MAP2: variants seen among roughly 807,000 people sequenced by gnomAD.
The protein encoded by MAP2 is microtubule-associated protein 2.
In MAP2, 14 loss-of-function variants were observed where a neutral mutation model predicts 137.6. The observed-to-expected ratio is 0.10, with a 90% CI of 0.07 to 0.16. The LOEUF is 0.16. MAP2 is among the 10% of genes least tolerant of loss of function. MAP2 has a pLI of 1.00. For synonymous variants in MAP2, 786 were observed against 782.3 expected (o/e 1.00, Z -0.08); for missense variants, 2,088 against 2,191.5 (o/e 0.95, Z 0.94).
In MAP2 at chr2:209,592,358, T is replaced by G. The variant is rs184693245; in HGVS notation, c.-107+12258T>G. ...TGTATTTGGCCCACAAGTCATGACT[T>G]ACTTACCCTCATTTTAGGCTATATT... On this transcript the variant is annotated intron_variant, in intron 3 of 15. Coordinates refer to ENST00000682079, the MANE Select transcript of MAP2 (RefSeq NM_001375505.1). Among the ~76,000 whole-genome samples the G allele has an allele frequency of 2.1e-3, 317 of 152,298 alleles. 1 individual carries two copies. The highest frequency in any genetic ancestry group is 5.5e-3 in the African/African-American group (229 of 41,564).
intron 2 of MAP2, among the ~76,000 whole-genome samples, chr2:209,523,781 T>C (rs867768869): frequency 6.6e-6 from 1 of 152,174 alleles, no homozygotes; most frequent in African/African-American, 2.4e-5. Context: ...TCCAAATTTG[T>C]CTTTTATATA....
chr2:209,454,652 T>A (rs894631563), intron 1 of MAP2, among the ~76,000 whole-genome samples: 2 of 152,180 alleles, frequency 1.3e-5, no homozygotes, highest in African/African-American at 4.8e-5. Context: ...ACTGAATATC[T>A]TAGTAAATTC....
intron 3 of MAP2, among the ~76,000 whole-genome samples, chr2:209,587,391 C>G (rs1448634947): frequency 6.6e-6 from 1 of 151,956 alleles, no homozygotes; most frequent in East Asian, 1.9e-4. Flanking sequence ...CCGTTGAAAT[C>G]ATCTCTTTGT....
chr2:209,484,464 G>A (rs549807758), intron 1 of MAP2, among the ~76,000 whole-genome samples: 4 of 152,288 alleles, frequency 2.6e-5, no homozygotes, highest in African/African-American at 9.6e-5. Context: ...GGCCGAGGTG[G>A]GTCAATCACC....
At chr2:209,659,685 C>T (rs548157081) in intron 5 of MAP2, among the ~76,000 whole-genome samples, 2 of 151,884 alleles carry the variant, frequency 1.3e-5, no homozygotes, top group South Asian at 4.2e-4. Context: ...TAAAATCAGG[C>T]TTTAGTGATT....
intron 1 of MAP2, among the ~76,000 whole-genome samples, chr2:209,447,699 G>T (rs1295182310): frequency 6.6e-6 from 1 of 152,006 alleles, no homozygotes; most frequent in Non-Finnish European, 1.5e-5. Flanking sequence ...CATTATTCAA[G>T]CCAGTGTCAG....
At chr2:209,658,946 C>T (rs1264537087) in intron 5 of MAP2, among the ~76,000 whole-genome samples, 1 of 152,082 alleles carries the variant, frequency 6.6e-6, no homozygotes, top group Non-Finnish European at 1.5e-5. Context: ...TATAAAGCAC[C>T]GTCATATCTT....
chr2:209,444,222 A>G (rs969981096), intron 1 of MAP2, among the ~76,000 whole-genome samples: 3 of 151,604 alleles, frequency 2.0e-5, no homozygotes, highest in Non-Finnish European at 3.0e-5. Flanking sequence ...GCAGGAAATT[A>G]GAACCCCCAT....
At chr2:209,641,989 T>C (rs551678640) in intron 4 of MAP2, among the ~76,000 whole-genome samples, 86 of 152,300 alleles carry the variant, frequency 5.6e-4, no homozygotes, top group African/African-American at 1.9e-3. Flanking sequence ...TCTCACTGCT[T>C]TGTGAAACAG....
chr2:209,563,362 G>T (rs562654639), intron 2 of MAP2, among the ~76,000 whole-genome samples: 1 of 150,636 alleles, frequency 6.6e-6, no homozygotes, highest in South Asian at 2.1e-4. Context: ...AAAAGTAACG[G>T]CAAAAAATGC....
At chr2:209,579,282 CGT>C (rs3036660) in intron 2 of MAP2, 1,822 of 149,884 alleles carry the variant, frequency 0.012, 38 homozygotes, top group African/African-American at 0.043. Context: ...TGCGTGCGTG[CGT>C]GTGTGTGTGT....
intron 3 of MAP2, among the ~76,000 whole-genome samples, chr2:209,591,931 GATTCAAAAATATTTTGAATAT>G (rs1444504000): frequency 2.0e-5 from 3 of 151,888 alleles, no homozygotes; most frequent in South Asian, 2.1e-4. Flanking sequence ...ATTTTATGTT[GATTCAAAAATATTTTGAATAT>G]ATTCAAAAAT....
chr2:209,674,660 T>A (rs2050459298), intron 5 of MAP2, among the ~76,000 whole-genome samples: 1 of 151,640 alleles, frequency 6.6e-6, no homozygotes, highest in Non-Finnish European at 1.5e-5. Flanking sequence ...GATGGATGGA[T>A]GAGGTATTTA....
intron 5 of MAP2, among the ~76,000 whole-genome samples, chr2:209,677,423 C>T (rs2052418478): frequency 6.6e-6 from 1 of 151,566 alleles, no homozygotes; most frequent in Non-Finnish European, 1.5e-5. Flanking sequence ...GACAGACAGA[C>T]AGACAGACAG....
intron 7 of MAP2, among the ~76,000 whole-genome samples, chr2:209,684,257 G>A (rs1316253162): frequency 6.6e-6 from 1 of 152,214 alleles, no homozygotes; most frequent in Non-Finnish European, 1.5e-5. Context: ...GTTTGCTCCA[G>A]AATTCTAGGG....
chr2:209,709,842 C>G, intron 12 of MAP2, 72 bp from the exon 13 acceptor site: 1 of 1,076,196 alleles, frequency 9.3e-7, no homozygotes, highest in Non-Finnish European at 1.4e-6. Context: ...TTCTAACAAT[C>G]TATGGGAAGA....
intron 1 of MAP2, among the ~76,000 whole-genome samples, chr2:209,426,638 G>A (rs1475887645): frequency 1.3e-5 from 2 of 152,146 alleles, no homozygotes; most frequent in Non-Finnish European, 2.9e-5. Context: ...TCCTCTCAGT[G>A]GAAACCAAAC....
At position 209,689,508 on chromosome 2, in the gene MAP2, A is replaced by C. The variant is rs552201510; in HGVS notation, c.455-3117A>C. On this transcript the variant is annotated intron_variant, in intron 7 of 15. Transcript: ENST00000682079. ...TTCTCTCTAATTCCTTAAGTGACCA[A>C]ATGGAATTTACTTATTTTTACTGAC... 4.6e-5 allele frequency among the ~76,000 whole-genome samples: 7 copies of C among 152,202 alleles called. No homozygotes were observed. In the South Asian group the frequency reaches 6.2e-4, roughly 14 times the overall value.
At chr2:209,506,892 A>G (rs1386429342) in intron 1 of MAP2, among the ~76,000 whole-genome samples, 1 of 152,190 alleles carries the variant, frequency 6.6e-6, no homozygotes, top group Non-Finnish European at 1.5e-5. Flanking sequence ...CAAACATAAA[A>G]GAACAGAAAT....
Sources: gnomAD v4.1 joint callset for allele counts (sites outside exome capture counted in the v4.1 genomes callset) on GRCh38, gnomAD v4.1.1 for gene constraint, MANE v1.5 for transcripts, NCBI Gene and HGNC (gene_info 2026-07-23, HGNC 2026-07-21) for gene names.